NLRP14: variants seen among roughly 807,000 people sequenced by gnomAD.
NLRP14 encodes NLR family pyrin domain containing 14.
In NLRP14, 105 loss-of-function variants were observed where a neutral mutation model predicts 94.7. The observed-to-expected ratio is 1.11, with a 90% confidence interval of 0.95 to 1.30. The LOEUF (loss-of-function observed/expected upper bound fraction) is 1.30, where lower values mean the gene tolerates loss of function less well. NLRP14 is among the 50% of genes most tolerant of loss of function. The probability of loss-of-function intolerance (pLI) is 0.00; values close to 1 mark genes in which losing one functional copy is unlikely to be tolerated. For missense variants in NLRP14, 1,362 were observed against 1,254.1 expected, an observed-to-expected ratio of 1.09 and a Z score of -1.30; for synonymous variants, 508 against 459.9, an observed-to-expected ratio of 1.10 and a Z score of -1.34.
At chr11:7,086,096 C>A in the NLRP14 span, among the ~76,000 whole-genome samples, 1 of 152,126 alleles carries the variant, frequency 6.6e-6, no homozygotes, top group Admixed American at 6.5e-5. Flanking sequence ...TAATTCTATT[C>A]CTAATTTTTT....
At chr11:7,072,820 G>C (rs530533849), downstream of NLRP14, among the ~76,000 whole-genome samples, 1 of 152,262 alleles carries the variant, frequency 6.6e-6, no homozygotes, top group African/African-American at 2.4e-5. Flanking sequence ...TCTGTTGGAG[G>C]AGTCCTTTCC....
chr11:7,088,263 C>T, the NLRP14 span, among the ~76,000 whole-genome samples: 1 of 152,104 alleles, frequency 6.6e-6, no homozygotes, highest in Non-Finnish European at 1.5e-5. Flanking sequence ...CCAACAGGCA[C>T]ATATGTTTGA....
the NLRP14 span, chr11:7,089,473 C>G: frequency 4.7e-6 from 6 of 1,268,646 alleles, no homozygotes; most frequent in African/African-American, 4.8e-5. Flanking sequence ...GGCGGCGGCC[C>G]GCGGCGTTCC....
chr11:7,030,525 C>A (rs1852075330), intron 1 of NLRP14, among the ~76,000 whole-genome samples: 1 of 151,524 alleles, frequency 6.6e-6, no homozygotes, highest in Non-Finnish European at 1.5e-5. Context: ...CCCCACTTTT[C>A]ACCCCCAGCG....
Position 7,038,766 on chromosome 11 carries a change from T to A in NLRP14, c.180T>A (p.Asn60Lys), listed in dbSNP as rs1476056113. 1 of 1,613,506 alleles carries A rather than the reference T, an allele frequency of 6.2e-7. No homozygotes were observed. Among genetic ancestry groups the A allele is most frequent in the East Asian group, 2.2e-5 (1 of 44,874 alleles). ...VKKARREDLA[N>K]LMKKYYPGEK... Reference sequence around the variant, plus strand: ...AGGCCAGGCGGGAGGACCTGGCCAATTTGATGAAGAAATATTATCCAGGAG... The same window carrying A: ...AGGCCAGGCGGGAGGACCTGGCCAAATTGATGAAGAAATATTATCCAGGAG... The change falls in exon 2 of 12, where the codon AAT becomes AAA. Residue 60 changes from asparagine to lysine, a missense_variant. Coordinates refer to ENST00000299481, the MANE Select transcript of NLRP14 (RefSeq NM_176822.4).
intron 8 of NLRP14, among the ~76,000 whole-genome samples, chr11:7,059,216 A>G (rs528414498): frequency 6.7e-6 from 1 of 150,332 alleles, no homozygotes; most frequent in East Asian, 1.9e-4. Flanking sequence ...TATTTTTTAT[A>G]TATTACAAAT....
intron 10 of NLRP14, among the ~76,000 whole-genome samples, chr11:7,065,075 A>G (rs1018834203): frequency 2.6e-5 from 4 of 151,962 alleles, no homozygotes; most frequent in African/African-American, 9.7e-5. Context: ...TCCCCTTTAC[A>G]TTTGCAAATA....
chr11:7,067,698 CT>C (rs1368177018), intron 10 of NLRP14, among the ~76,000 whole-genome samples: 5 of 152,080 alleles, frequency 3.3e-5, no homozygotes, highest in Non-Finnish European at 7.4e-5. Flanking sequence ...GTGTAATTTA[CT>C]TTGTTAATGT....
intron 11 of NLRP14, among the ~76,000 whole-genome samples, chr11:7,070,947 G>C (rs935145637): frequency 2.0e-5 from 3 of 151,958 alleles, no homozygotes; most frequent in Non-Finnish European, 4.4e-5. Context: ...AATTTTAATT[G>C]GTTTCTCTTT....
At chr11:7,026,482 C>T (rs2119551211) in intron 1 of NLRP14, among the ~76,000 whole-genome samples, 1 of 152,086 alleles carries the variant, frequency 6.6e-6, no homozygotes, top group South Asian at 2.1e-4. Context: ...GTTAGAATGG[C>T]AATCATTAAA....
intron 1 of NLRP14, among the ~76,000 whole-genome samples, chr11:7,021,184 C>T (rs1200050432): frequency 6.6e-6 from 1 of 152,178 alleles, no homozygotes; most frequent in African/African-American, 2.4e-5. Context: ...GATTACCTAA[C>T]CTTTAAGCAT....
At chr11:7,074,642 A>G (rs1283032113), downstream of NLRP14, among the ~76,000 whole-genome samples, 1 of 152,214 alleles carries the variant, frequency 6.6e-6, no homozygotes, top group Non-Finnish European at 1.5e-5. Context: ...TTTTTTAAAG[A>G]TGAAAACTAT....
intron 5 of NLRP14, among the ~76,000 whole-genome samples, chr11:7,047,764 TTTTC>T (rs1303732145): frequency 2.9e-3 from 77 of 26,774 alleles, no homozygotes; most frequent in Admixed American, 5.4e-3. Context: ...CTTTCTTTTC[TTTTC>T]TTTTTTTTTT....
Position 7,049,690 on chromosome 11 carries a change from C to T in NLRP14, c.2143C>T (p.Pro715Ser). 5 of 1,612,646 alleles carry T rather than the reference C, an allele frequency of 3.1e-6. No individual in the cohort carries two copies. The highest frequency in any genetic ancestry group is 4.2e-6 in the Non-Finnish European group (5 of 1,178,850). ...QKLLLKFITF[P>S]DGCQDISTSL... ...CTGAAGGTTGAAATTTATCACTTTC[C>T]CTGATGGTTGTCAGGATATCTCTAC... Residue 715 changes from proline (P) to serine (S), a missense_variant, in exon 6 of 12, where the codon CCT becomes TCT. Physicochemically the swap from Pro to Ser is moderately conservative, Grantham distance 74 (BLOSUM62 -1). Transcript: ENST00000299481.
Position 7,049,802 on chromosome 11 carries a change from C to G in NLRP14, c.2255C>G (p.Ala752Gly). Residue 752 changes from alanine (A) to glycine (G), a missense_variant, in exon 6 of 12, where the codon GCC becomes GGC. Coordinates refer to ENST00000299481, the MANE Select transcript of NLRP14 (RefSeq NM_176822.4). ...AATGGAGTAAAGTCATTGTGTGAGG[C>G]CTTGAAACACCCAGAGTGTAAACTA... ...GDNGVKSLCE[A>G]LKHPECKLQT... 2 of 1,612,058 alleles carry G rather than the reference C, an allele frequency of 1.2e-6. No homozygotes were observed. The highest frequency in any genetic ancestry group is 1.7e-6 in the Non-Finnish European group (2 of 1,178,242).
At chr11:7,026,309 GA>G (rs35799884) in intron 1 of NLRP14, among the ~76,000 whole-genome samples, 1 of 151,994 alleles carries the variant, frequency 6.6e-6, no homozygotes, top group Non-Finnish European at 1.5e-5. Context: ...AAATTTACAA[GA>G]AAAAAACAAG....
intron 1 of NLRP14, among the ~76,000 whole-genome samples, chr11:7,024,400 T>C (rs1454902498): frequency 6.6e-6 from 1 of 152,258 alleles, no homozygotes; most frequent in Non-Finnish European, 1.5e-5. Context: ...ATCTGGTTTC[T>C]GTTATGCTAT....
At chr11:7,033,292 AG>A (rs1852121373) in intron 1 of NLRP14, among the ~76,000 whole-genome samples, 1 of 152,234 alleles carries the variant, frequency 6.6e-6, no homozygotes, top group Non-Finnish European at 1.5e-5. Context: ...GCTCTGTCAT[AG>A]TGTATGTATA....
At chr11:7,046,441 T>G (rs1852350713) in intron 4 of NLRP14, among the ~76,000 whole-genome samples, 2 of 152,136 alleles carry the variant, frequency 1.3e-5, no homozygotes, top group Admixed American at 1.3e-4. Context: ...TTTTATTTTG[T>G]GTGTGTTGAA....
Sources: allele counts gnomAD v4.1 joint callset (sites outside exome capture counted in the v4.1 genomes callset), GRCh38; gene constraint gnomAD v4.1.1; transcripts MANE v1.5; gene names NCBI Gene and HGNC (gene_info 2026-07-23, HGNC 2026-07-21).